The following PMFBP1 variants were observed in gnomAD, a reference collection of about 807,000 sequenced individuals.
The protein encoded by PMFBP1 is polyamine modulated factor 1 binding protein 1.
In PMFBP1, 131 loss-of-function variants were observed where a neutral mutation model predicts 137.8. That is an observed-to-expected ratio of 0.95 (90% CI 0.82 to 1.10). PMFBP1 has a LOEUF of 1.10. PMFBP1 is among the 50% of genes least tolerant of loss of function. The probability of loss-of-function intolerance (pLI) is 0.00; values close to 1 mark genes in which losing one functional copy is unlikely to be tolerated. For synonymous variants in PMFBP1, 490 were observed against 450.4 expected (o/e 1.09, Z -1.11); for missense variants, 1,199 against 1,175.4 (o/e 1.02, Z -0.29).
intron 4 of PMFBP1, among the ~76,000 whole-genome samples, chr16:72,151,063 C>G (rs571859357): frequency 4.6e-5 from 7 of 152,350 alleles, no homozygotes; most frequent in Admixed American, 3.3e-4. Context: ...AGGATCATAT[C>G]CATTTCCCAT....
upstream of PMFBP1, among the ~76,000 whole-genome samples, chr16:72,180,828 C>A (rs1178835121): frequency 1.3e-5 from 2 of 152,346 alleles, no homozygotes; most frequent in Admixed American, 6.5e-5. Context: ...GAGGAAACCC[C>A]AGTGCTCCCG....
chr16:72,199,460 C>T, the PMFBP1 span, among the ~76,000 whole-genome samples: 1 of 152,022 alleles, frequency 6.6e-6, no homozygotes, highest in Non-Finnish European at 1.5e-5. Flanking sequence ...TCAAGACCAG[C>T]CTGGCTAACA....
chr16:72,163,341 C>T (rs2043091857), intron 3 of PMFBP1, among the ~76,000 whole-genome samples: 1 of 152,226 alleles, frequency 6.6e-6, no homozygotes, highest in African/African-American at 2.4e-5. Context: ...ACTTAAAGAC[C>T]TTAGATTTAG....
the PMFBP1 span, among the ~76,000 whole-genome samples, chr16:72,234,758 C>G: frequency 6.6e-6 from 1 of 152,120 alleles, no homozygotes; most frequent in Non-Finnish European, 1.5e-5. Flanking sequence ...CCACTGACAA[C>G]TTTGTTGTTT....
chr16:72,157,233 T>G (rs1482893153), intron 3 of PMFBP1, among the ~76,000 whole-genome samples: 5 of 145,656 alleles, frequency 3.4e-5, no homozygotes, highest in Non-Finnish European at 7.5e-5. Flanking sequence ...CCCGACTTTG[T>G]GGAGTTTGCA....
chr16:72,165,325 A>G (rs540328490), intron 2 of PMFBP1, among the ~76,000 whole-genome samples: 3 of 152,288 alleles, frequency 2.0e-5, no homozygotes, highest in East Asian at 3.9e-4. Flanking sequence ...TGGGCTTGAT[A>G]TGGGATTCTG....
chr16:72,236,848 C>T, the PMFBP1 span, among the ~76,000 whole-genome samples: 1 of 152,166 alleles, frequency 6.6e-6, no homozygotes, highest in African/African-American at 2.4e-5. Context: ...ATGTATAGTA[C>T]TTTCACAGGA....
upstream of PMFBP1, chr16:72,176,727 T>C (rs1376416286): frequency 6.6e-6 from 1 of 152,224 alleles, no homozygotes; most frequent in Non-Finnish European, 1.5e-5. Context: ...GTTTTTAATT[T>C]TTCTGTTTCA....
chr16:72,241,733 G>C, the PMFBP1 span, among the ~76,000 whole-genome samples: 1 of 152,108 alleles, frequency 6.6e-6, no homozygotes, highest in East Asian at 1.9e-4. Context: ...AGCATCCATG[G>C]AGACAGCCAC....
the PMFBP1 span, among the ~76,000 whole-genome samples, chr16:72,182,940 A>G: frequency 6.6e-6 from 1 of 152,050 alleles, no homozygotes. Flanking sequence ...TTGGTTGACC[A>G]GTGTGGAAAA....
intron 17 of PMFBP1, among the ~76,000 whole-genome samples, chr16:72,124,379 A>G (rs1023125651): frequency 6.6e-6 from 1 of 152,206 alleles, no homozygotes; most frequent in African/African-American, 2.4e-5. Context: ...GCCTCCTGCC[A>G]TGAACTTCAC....
chr16:72,126,254 G>A (rs902118093), intron 14 of PMFBP1, 122 bp from the exon 15 acceptor site: 13 of 1,063,606 alleles, frequency 1.2e-5, no homozygotes, highest in Admixed American at 4.8e-5. Context: ...TGCAGAGTCC[G>A]TGTTAACACT....
chr16:72,200,622 G>C, the PMFBP1 span, among the ~76,000 whole-genome samples: 82 of 152,340 alleles, frequency 5.4e-4, no homozygotes, highest in African/African-American at 1.6e-3. Flanking sequence ...GCATTAAAGG[G>C]AAGGACAATC....
chr16:72,148,841 A>G (rs1019614601), intron 5 of PMFBP1, among the ~76,000 whole-genome samples: 1 of 152,180 alleles, frequency 6.6e-6, no homozygotes, highest in African/African-American at 2.4e-5. Flanking sequence ...GTTGCCCTTT[A>G]TGGGGATTGT....
intron 2 of PMFBP1, among the ~76,000 whole-genome samples, chr16:72,170,163 T>C (rs2043200712): frequency 2.0e-5 from 3 of 151,942 alleles, no homozygotes; most frequent in African/African-American, 4.8e-5. Flanking sequence ...GCCTGGCATA[T>C]TGAAGGTGCT....
At chr16:72,162,433 T>A (rs2043076803) in intron 3 of PMFBP1, among the ~76,000 whole-genome samples, 1 of 152,258 alleles carries the variant, frequency 6.6e-6, no homozygotes, top group Non-Finnish European at 1.5e-5. Context: ...AATGTAACAT[T>A]TTAATCTTCT....
chr16:72,237,120 A>C, the PMFBP1 span, among the ~76,000 whole-genome samples: 2 of 152,110 alleles, frequency 1.3e-5, no homozygotes, highest in Non-Finnish European at 2.9e-5. Context: ...AACTACCATA[A>C]ATACTCCCGC....
At chr16:72,125,669 G>A (rs1427257429) in intron 15 of PMFBP1, among the ~76,000 whole-genome samples, 1 of 152,144 alleles carries the variant, frequency 6.6e-6, no homozygotes, top group Non-Finnish European at 1.5e-5. Context: ...GCACAGGATG[G>A]GGCATGAATT....
intron 12 of PMFBP1, 47 bp from the exon 13 acceptor site, chr16:72,129,280 T>A (rs1386987882): frequency 1.3e-6 from 2 of 1,572,032 alleles, no homozygotes; most frequent in Non-Finnish European, 1.7e-6. Context: ...GACTATATTA[T>A]ATTTGGGGGA....
Sources: gnomAD v4.1 joint callset for allele counts (sites outside exome capture counted in the v4.1 genomes callset) on GRCh38, gnomAD v4.1.1 for gene constraint, MANE v1.5 for transcripts, NCBI Gene and HGNC (gene_info 2026-07-23, HGNC 2026-07-21) for gene names.